The following FANCC variants were observed in gnomAD, a reference collection of about 807,000 sequenced individuals.
The protein encoded by FANCC is FA complementation group C, also known as Fanconi anemia group C protein.
In FANCC, 55 loss-of-function variants were observed where a neutral mutation model predicts 71.3. The observed-to-expected ratio is 0.77, with a 90% CI of 0.62 to 0.97. The LOEUF is 0.97. Ranked by LOEUF, FANCC falls within the 50% of genes least tolerant of loss-of-function variation. The pLI, the probability that FANCC is intolerant of heterozygous loss-of-function variation, is 0.00. For synonymous variants in FANCC, 275 were observed against 244.9 expected (o/e 1.12, Z -1.15); for missense variants, 678 against 670.9 (o/e 1.01, Z -0.12).
intron 4 of FANCC, among the ~76,000 whole-genome samples, chr9:95,219,544 G>A (rs543508761): frequency 1.3e-5 from 2 of 151,954 alleles, no homozygotes; most frequent in South Asian, 4.2e-4. Context: ...CCCCTTCAAA[G>A]GAACGATATA....
chr9:95,287,796 G>A (rs1833774519), intron 1 of FANCC, among the ~76,000 whole-genome samples: 1 of 152,124 alleles, frequency 6.6e-6, no homozygotes, highest in Non-Finnish European at 1.5e-5. Context: ...ACAACAAAAA[G>A]GCAGGCATGT....
chr9:95,259,384 C>T (rs779860536), intron 1 of FANCC, among the ~76,000 whole-genome samples: 39 of 152,090 alleles, frequency 2.6e-4, no homozygotes, highest in Non-Finnish European at 5.0e-4. Flanking sequence ...TCAGAAATAA[C>T]GCCACCCATC....
intron 1 of FANCC, among the ~76,000 whole-genome samples, chr9:95,307,535 C>A (rs1835137174): frequency 6.6e-6 from 1 of 152,170 alleles, no homozygotes; most frequent in African/African-American, 2.4e-5. Context: ...CAAATTTGTT[C>A]TGATCTGTCC....
At chr9:95,194,805 AC>A (rs1827323569) in intron 4 of FANCC, among the ~76,000 whole-genome samples, 1 of 152,280 alleles carries the variant, frequency 6.6e-6, no homozygotes, top group South Asian at 2.1e-4. Context: ...ATTGTCCTTC[AC>A]GTGGGCTTTC....
chr9:95,182,179 C>T (rs1025248176), intron 4 of FANCC, among the ~76,000 whole-genome samples: 1 of 151,694 alleles, frequency 6.6e-6, no homozygotes, highest in Non-Finnish European at 1.5e-5. Flanking sequence ...GAATTTCCAC[C>T]ACTTTGCTCT....
intron 1 of FANCC, among the ~76,000 whole-genome samples, chr9:95,279,525 ATACT>A (rs901438118): frequency 6.6e-6 from 1 of 151,838 alleles, no homozygotes; most frequent in Non-Finnish European, 1.5e-5. Flanking sequence ...AAAACAGATA[ATACT>A]TACTTAAAAG....
At chr9:95,289,970 A>G (rs559586836) in intron 1 of FANCC, among the ~76,000 whole-genome samples, 21 of 152,184 alleles carry the variant, frequency 1.4e-4, no homozygotes, top group Non-Finnish European at 2.6e-4. Flanking sequence ...CACGTTTTAG[A>G]ATAGAAATCA....
intron 6 of FANCC, among the ~76,000 whole-genome samples, chr9:95,165,637 A>G (rs1278557352): frequency 2.0e-5 from 3 of 152,044 alleles, no homozygotes; most frequent in African/African-American, 7.2e-5. Context: ...TGTGGTCAGA[A>G]AAAATAGTTA....
intron 8 of FANCC, among the ~76,000 whole-genome samples, chr9:95,129,321 G>A (rs753140909): frequency 6.6e-6 from 1 of 152,130 alleles, no homozygotes; most frequent in African/African-American, 2.4e-5. Context: ...ATGTCCCAGC[G>A]ACATCAAATC....
chr9:95,125,379 T>C (rs1034641043), intron 9 of FANCC, among the ~76,000 whole-genome samples, 194 bp from the exon 10 acceptor site: 1 of 152,234 alleles, frequency 6.6e-6, no homozygotes, highest in African/African-American at 2.4e-5. Context: ...TTCTTTAAAA[T>C]TGCAACGTGC....
intron 6 of FANCC, 61 bp from the exon 7 acceptor site, chr9:95,150,148 T>C (rs775003160): frequency 1.4e-5 from 22 of 1,584,700 alleles, no homozygotes; most frequent in Middle Eastern, 3.3e-4. Flanking sequence ...TAAGGACATA[T>C]AAAAACCTTC....
chr9:95,215,108 T>A (rs1828776138), intron 4 of FANCC, among the ~76,000 whole-genome samples: 1 of 152,178 alleles, frequency 6.6e-6, no homozygotes, highest in Admixed American at 6.5e-5. Context: ...GCAGTAATTT[T>A]AAAAAATTAA....
intron 14 of FANCC, 85 bp from the exon 15 acceptor site, chr9:95,101,935 A>T: frequency 6.7e-7 from 1 of 1,482,404 alleles, no homozygotes; most frequent in Non-Finnish European, 9.3e-7. Flanking sequence ...ATAACCACCC[A>T]GTCCCTGAAA....
Position 95,152,383 on chromosome 9 carries a change from C to G in FANCC, c.522-2296G>C, listed in dbSNP as rs1242517641. Among the ~76,000 whole-genome samples the G allele has an allele frequency of 2.6e-4, 40 of 152,156 alleles. 1 individual carries two copies. Among genetic ancestry groups the G allele is most frequent in the Non-Finnish European group, 1.5e-5 (1 of 68,030 alleles). On this transcript the variant is annotated intron_variant, in intron 6 of 14. Coordinates refer to ENST00000289081, the MANE Select transcript of FANCC (RefSeq NM_000136.3). ...AAGAAGGTGATATGTGAGCAGAGCT[C>G]TGAAGGAAGTACATGAACAAGCACG...
intron 9 of FANCC, among the ~76,000 whole-genome samples, chr9:95,125,613 A>G (rs1365868662): frequency 6.6e-6 from 1 of 152,230 alleles, no homozygotes. Flanking sequence ...GCTTCCATGC[A>G]TTATTGTACA....
intron 1 of FANCC, among the ~76,000 whole-genome samples, chr9:95,263,695 G>A (rs959230985): frequency 3.9e-5 from 6 of 152,138 alleles, no homozygotes; most frequent in African/African-American, 1.4e-4. Flanking sequence ...ACTAGTGAGC[G>A]AATGCGAGTC....
intron 4 of FANCC, among the ~76,000 whole-genome samples, chr9:95,221,040 G>T (rs1172852295): frequency 1.3e-5 from 2 of 151,812 alleles, no homozygotes; most frequent in African/African-American, 2.4e-5. Context: ...GACCACCCTG[G>T]CCAACATGGT....
chr9:95,314,473 G>A (rs566081498), intron 1 of FANCC, among the ~76,000 whole-genome samples: 5 of 152,068 alleles, frequency 3.3e-5, no homozygotes, highest in Admixed American at 6.5e-5. Context: ...CCAATATGGT[G>A]AAACCCCGTC....
intron 4 of FANCC, among the ~76,000 whole-genome samples, chr9:95,238,461 C>G (rs1386245210): frequency 6.6e-6 from 1 of 152,188 alleles, no homozygotes; most frequent in Non-Finnish European, 1.5e-5. Flanking sequence ...ACTACAATAG[C>G]TTCCAACGTC....
Sources: gnomAD v4.1 joint callset for allele counts (sites outside exome capture counted in the v4.1 genomes callset) on GRCh38, gnomAD v4.1.1 for gene constraint, MANE v1.5 for transcripts, NCBI Gene and HGNC (gene_info 2026-07-23, HGNC 2026-07-21) for gene names.